Variants in PTPRD observed in about 807,000 individuals in gnomAD.
PTPRD encodes the protein receptor-type tyrosine-protein phosphatase delta.
A neutral mutation model predicts 214.5 loss-of-function variants in PTPRD; 34 were observed. The ratio of observed to expected loss-of-function variants is 0.16; its 90% confidence interval spans 0.12 to 0.21. The LOEUF (loss-of-function observed/expected upper bound fraction) is 0.21. Among genes scored for constraint, PTPRD ranks in the 10% least tolerant of loss-of-function variants. PTPRD has a pLI of 1.00. For synonymous variants in PTPRD, 1,128 were observed against 845.7 expected, an observed-to-expected ratio of 1.33 and a Z score of -5.79; for missense variants, 2,545 against 2,398.7, an observed-to-expected ratio of 1.06 and a Z score of -1.27.
chr9:10,045,267 A>G (rs1050203609), intron 3 of PTPRD, among the ~76,000 whole-genome samples: 3 of 151,788 alleles, frequency 2.0e-5, no homozygotes, highest in Non-Finnish European at 4.4e-5. Flanking sequence ...TTTTTTTGGA[A>G]AAACATTTTA....
At chr9:9,137,592 T>C (rs574411418) in intron 10 of PTPRD, among the ~76,000 whole-genome samples, 1 of 152,302 alleles carries the variant, frequency 6.6e-6, no homozygotes, top group South Asian at 2.1e-4. Flanking sequence ...GATGAACTTC[T>C]TTATGAAATG....
chr9:8,641,753 C>T (rs1175855597), intron 12 of PTPRD, among the ~76,000 whole-genome samples: 1 of 152,148 alleles, frequency 6.6e-6, no homozygotes, highest in Admixed American at 6.5e-5. Context: ...TCAAGAGAAG[C>T]CACAAACTGC....
intron 5 of PTPRD, among the ~76,000 whole-genome samples, chr9:9,873,468 T>A (rs1049945247): frequency 4.7e-5 from 7 of 149,024 alleles, no homozygotes; most frequent in Non-Finnish European, 6.0e-5. Context: ...TCTTACTTAC[T>A]TTTTTTTTTC....
intron 3 of PTPRD, among the ~76,000 whole-genome samples, chr9:10,185,306 G>A (rs2099324895): frequency 6.6e-6 from 1 of 152,138 alleles, no homozygotes. Context: ...AAAAGCCACT[G>A]AGCATGTGAA....
chr9:9,300,595 A>C (rs990438867), intron 9 of PTPRD, among the ~76,000 whole-genome samples: 4 of 151,744 alleles, frequency 2.6e-5, no homozygotes, highest in African/African-American at 9.7e-5. Flanking sequence ...TGGAGCCCTA[A>C]TGAATGGGAT....
chr9:10,049,278 T>A (rs1253008299), intron 3 of PTPRD, among the ~76,000 whole-genome samples: 1 of 152,032 alleles, frequency 6.6e-6, no homozygotes, highest in East Asian at 1.9e-4. Context: ...TACATCATTA[T>A]TTTCCTGCTT....
rs571114725 is a variant in PTPRD, at chr9:8,501,428, G to A, written c.1823-369C>T. ...CTGACTACCCAGCTTCAAAAAAGCT[G>A]CAAATAGTGCTAGTATTTACTTGAG... On this transcript the variant is annotated intron_variant, in intron 23 of 45. Transcript: ENST00000381196. 2.0e-4 allele frequency among the ~76,000 whole-genome samples: 31 copies of A among 152,196 alleles called. No homozygotes were observed. In the East Asian group the frequency reaches 4.1e-3, roughly 20 times the overall value.
chr9:8,947,029 C>CTT lies in PTPRD; in HGVS notation c.-104+71666_-104+71667dup, dbSNP rs71317390. Among the ~76,000 whole-genome samples, 463 of 120,986 alleles carry CTT rather than the reference C, an allele frequency of 3.8e-3. 5 individuals carry two copies. The highest frequency in any genetic ancestry group is 0.014 in the African/African-American group (439 of 32,418). 79.4% of individuals were successfully genotyped at this position (120,986 alleles called of 152,430 possible). A position where few individuals can be genotyped will look rare whatever the true frequency, so the allele number is the denominator to read the frequency against. On this transcript the variant is annotated intron_variant, in intron 11 of 45. Transcript: ENST00000381196. ...GTCTCTCTGTATTTTTTTTTCTTTT[C>CTT]TTTTTTTTTTTTTGTGTGTGTGTCT...
At chr9:8,825,562 G>C (rs1230451527) in intron 11 of PTPRD, among the ~76,000 whole-genome samples, 1 of 152,148 alleles carries the variant, frequency 6.6e-6, no homozygotes, top group Non-Finnish European at 1.5e-5. Context: ...TAAAAGATTA[G>C]CAACGTTTTA....
At chr9:9,440,289 AT>A (rs2087028255) in intron 8 of PTPRD, among the ~76,000 whole-genome samples, 2 of 152,104 alleles carry the variant, frequency 1.3e-5, no homozygotes, top group African/African-American at 4.8e-5. Context: ...ACTGTATTTT[AT>A]TTTTAAATTA....
Position 8,500,904 on chromosome 9 carries a change from G to C in PTPRD, c.1978C>G (p.His660Asp), listed in dbSNP as rs1320425200. The C allele has an allele frequency of 1.2e-6, 2 of 1,614,116 alleles. No homozygotes were observed. Among genetic ancestry groups the C allele is most frequent in the Non-Finnish European group, 1.7e-6 (2 of 1,180,014 alleles). Reference sequence around the variant, plus strand: ...TCCGAAGGAATTCCCAAAATCTCGTGAGGCTTGTCATCTTCCCCATCCACT... The same window carrying C: ...TCCGAAGGAATTCCCAAAATCTCGTCAGGCTTGTCATCTTCCCCATCCACT... ...TAVDGEDDKP[H>D]EILGIPSDTT... Residue 660 changes from histidine to aspartate, a missense_variant, in exon 24 of 46, where the codon CAC becomes GAC. Transcript: ENST00000381196.
intron 3 of PTPRD, among the ~76,000 whole-genome samples, chr9:10,198,053 T>G (rs2099404815): frequency 6.6e-6 from 1 of 152,114 alleles, no homozygotes; most frequent in African/African-American, 2.4e-5. Flanking sequence ...TTCATATAGT[T>G]TTTAAAAGCT....
chr9:8,481,472 G>T (rs1426569762), intron 30 of PTPRD, among the ~76,000 whole-genome samples: 1 of 152,034 alleles, frequency 6.6e-6, no homozygotes, highest in East Asian at 1.9e-4. Context: ...TTCTGATTTT[G>T]TTTTTTAATA....
At chr9:10,580,974 A>T (rs1252590976) in intron 2 of PTPRD, among the ~76,000 whole-genome samples, 2 of 152,192 alleles carry the variant, frequency 1.3e-5, no homozygotes, top group African/African-American at 4.8e-5. Flanking sequence ...TCTCACAGTA[A>T]AAGGCAGCAA....
intron 3 of PTPRD, among the ~76,000 whole-genome samples, chr9:10,195,857 G>A (rs2099395980): frequency 6.6e-6 from 1 of 152,054 alleles, no homozygotes; most frequent in Non-Finnish European, 1.5e-5. Context: ...TACCAACACG[G>A]ATGAATTACA....
At chr9:10,381,037 C>A (rs75039787) in intron 2 of PTPRD, among the ~76,000 whole-genome samples, 1 of 151,430 alleles carries the variant, frequency 6.6e-6, no homozygotes, top group East Asian at 2.0e-4. Flanking sequence ...ATTAGTAGGA[C>A]GCTCAACTCA....
intron 7 of PTPRD, among the ~76,000 whole-genome samples, chr9:9,719,571 G>T (rs1173116929): frequency 6.6e-6 from 1 of 152,046 alleles, no homozygotes; most frequent in South Asian, 2.1e-4. Context: ...CCCAGGATTT[G>T]CAGGCCAGAA....
intron 9 of PTPRD, among the ~76,000 whole-genome samples, chr9:9,184,911 C>T (rs10816060): frequency 0.16 from 23,877 of 151,974 alleles, 2,347 homozygotes; most frequent in Admixed American, 0.26. Flanking sequence ...TCATTTAGCA[C>T]GGGTTCCAAA....
intron 11 of PTPRD, among the ~76,000 whole-genome samples, chr9:9,011,714 T>C (rs2099512426): frequency 6.6e-6 from 1 of 152,158 alleles, no homozygotes; most frequent in South Asian, 2.1e-4. Flanking sequence ...ATATTTTTCA[T>C]TTTCCTTAGT....
Sources: allele counts gnomAD v4.1 joint callset (sites outside exome capture counted in the v4.1 genomes callset), GRCh38; gene constraint gnomAD v4.1.1; transcripts MANE v1.5; gene names NCBI Gene and HGNC (gene_info 2026-07-23, HGNC 2026-07-21).